Variants in MTERF1 observed in about 807,000 individuals in gnomAD.
The protein encoded by MTERF1 is transcription termination factor 1, mitochondrial.
A neutral mutation model predicts 31.6 loss-of-function variants in MTERF1; 29 were observed. The observed-to-expected ratio is 0.92, with a 90% confidence interval of 0.68 to 1.25. MTERF1 has a LOEUF of 1.25. MTERF1 is among the 50% of genes most tolerant of loss of function. MTERF1 has a pLI of 0.00. For synonymous variants in MTERF1, 152 were observed against 164.1 expected, an observed-to-expected ratio of 0.93 and a Z score of 0.57; for missense variants, 500 against 469.1, an observed-to-expected ratio of 1.07 and a Z score of -0.61.
Position 91,874,682 on chromosome 7 carries a change from T to C in MTERF1, c.112A>G (p.Arg38Gly). ...GCTGAAAATCGAGTCATCCAACATC[T>C]TGAACCAAAGAGAAAGTTATTTCTC... Reference protein sequence around the residue: ...HMRNNFLFGSRCWMTRFSAEN... With the variant: ...HMRNNFLFGSGCWMTRFSAEN... The change falls in exon 3 of 3, where the codon AGA becomes GGA. Residue 38 changes from arginine (R) to glycine (G), a missense_variant. Arg to Gly is a moderately radical substitution (Grantham distance 125). Transcript: ENST00000351870. The C allele has an allele frequency of 1.2e-6, 2 of 1,614,138 alleles. No individual in the cohort carries two copies. Among genetic ancestry groups the C allele is most frequent in the East Asian group, 2.2e-5 (1 of 44,874 alleles).
intron 2 of MTERF1, among the ~76,000 whole-genome samples, chr7:91,876,558 T>C (rs1415198618): frequency 6.6e-6 from 1 of 152,228 alleles, no homozygotes; most frequent in Admixed American, 6.5e-5. Flanking sequence ...TTTCAATTAC[T>C]CCAATTTTAA....
chr7:91,878,615 G>A (rs1303389832), intron 2 of MTERF1, among the ~76,000 whole-genome samples: 2 of 152,154 alleles, frequency 1.3e-5, no homozygotes, highest in Non-Finnish European at 2.9e-5. Flanking sequence ...TGGGAGGATT[G>A]CTTAAACCCA....
At chr7:91,875,197 T>G (rs977119387) in intron 2 of MTERF1, among the ~76,000 whole-genome samples, 1 of 152,200 alleles carries the variant, frequency 6.6e-6, no homozygotes, top group Non-Finnish European at 1.5e-5. Context: ...TTTGCCTGCC[T>G]TGGCTACCTA....
Position 91,873,403 on chromosome 7 carries a change from AC to A in MTERF1, c.*190del, listed in dbSNP as rs1789232876. 12 of 572,776 alleles carry A rather than the reference AC, an allele frequency of 2.1e-5. No individual in the cohort carries two copies. The South Asian group carries it at 3.0e-4, about 14-fold the overall frequency. 35.5% of individuals were successfully genotyped at this position (572,776 alleles called of 1,614,324 possible). A position where few individuals can be genotyped will look rare whatever the true frequency, so the allele number is the denominator to read the frequency against. Reference sequence around the variant, plus strand: ...GTCTTTCTTATACAGGATCACTCTGACCTCCTCTTTTGCCTCCCTCTTCAAC... The same window carrying A: ...GTCTTTCTTATACAGGATCACTCTGACTCCTCTTTTGCCTCCCTCTTCAAC... On this transcript the variant is annotated 3_prime_UTR_variant, in exon 3 of 3. Transcript: ENST00000351870.
rs1038126754 is a variant in MTERF1 at position 91,871,095 on chromosome 7, C to A, written c.*2499G>T. 6.6e-6 allele frequency: 1 copy of A among 151,916 alleles called. No individual in the cohort carries two copies. The highest frequency in any genetic ancestry group is 2.4e-5 in the African/African-American group (1 of 41,348). The allele number at this position is 151,916 out of a possible 1,614,324, so 9.4% of individuals were successfully genotyped here. A position where few individuals can be genotyped will look rare whatever the true frequency, so the allele number is the denominator to read the frequency against. ...CTGGCCAATATTTCTATAATTCTAT[C>A]TTTAAAAAAAAAGAATTGACTCTCC... On this transcript the variant is annotated 3_prime_UTR_variant, in exon 3 of 3. Transcript: ENST00000351870.
chr7:91,876,716 A>G (rs1789354743), intron 2 of MTERF1, among the ~76,000 whole-genome samples: 1 of 152,248 alleles, frequency 6.6e-6, no homozygotes, highest in South Asian at 2.1e-4. Flanking sequence ...TAAACATCAA[A>G]CAACAAAAGC....
rs766314299 is a variant in MTERF1 at position 91,880,096 on chromosome 7, G to T, written c.-13C>A. ...AAAGGCTCTGCATCCCTCCAGAAAG[G>T]CTGGAGAACAGCTATCTCTGGAAAT... On this transcript the variant is annotated 5_prime_UTR_variant, in exon 2 of 3. Transcript: ENST00000351870. 1 of 1,613,726 alleles carries T rather than the reference G, an allele frequency of 6.2e-7. No individual in the cohort carries two copies. The highest frequency in any genetic ancestry group is 8.5e-7 in the Non-Finnish European group (1 of 1,179,900).
intron 2 of MTERF1, among the ~76,000 whole-genome samples, chr7:91,876,293 C>T (rs995801381): frequency 6.6e-6 from 1 of 152,208 alleles, no homozygotes; most frequent in Non-Finnish European, 1.5e-5. Context: ...GTGCCTGAGT[C>T]ATATAACAGT....
chr7:91,879,958 G>A, intron 2 of MTERF1, 97 bp downstream of exon 2: 1 of 1,446,702 alleles, frequency 6.9e-7, no homozygotes, highest in Non-Finnish European at 9.6e-7. Context: ...GGCTGTTAAT[G>A]GAAATAACTA....
Position 91,874,013 on chromosome 7 carries a change from A to C in MTERF1, c.781T>G (p.Ser261Ala), listed in dbSNP as rs1789259773. Residue 261 changes from serine to alanine, a missense_variant, in exon 3 of 3, where the codon TCA becomes GCA. Physicochemically the swap from Ser to Ala is moderately conservative, Grantham distance 99. Coordinates refer to ENST00000351870, the MANE Select transcript of MTERF1 (RefSeq NM_006980.5). ...TCCTCACTGTTCAAATTGAAAGTTG[A>C]CCGTAAGAATTCAATGTTAGCTTTC... ...RVKANIEFLR[S>A]TFNLNSEELL... 2 of 1,613,962 alleles carry C rather than the reference A, an allele frequency of 1.2e-6. No individual in the cohort carries two copies. The highest frequency in any genetic ancestry group is 1.7e-5 in the Admixed American group (1 of 59,970).
At position 91,874,763 on chromosome 7, in the gene MTERF1, T is replaced by C. The variant is rs978785472; in HGVS notation, c.31A>G (p.Ile11Val). ...GTTAGGTAGTTCAAACCTTTTGAAA[T>C]GCTGTGTAAAACAACACATAAAATA... MQSLSLGQTS[I>V]SKGLNYLTIM... Residue 11 changes from isoleucine to valine, a missense_variant and splice_region_variant, in exon 3 of 3, where the codon ATT becomes GTT. Physicochemically the swap from Ile to Val is conservative, Grantham distance 29. Coordinates refer to ENST00000351870, the MANE Select transcript of MTERF1 (RefSeq NM_006980.5). 6.3e-7 allele frequency: 1 copy of C among 1,593,100 alleles called. No homozygotes were observed. Among genetic ancestry groups the C allele is most frequent in the Non-Finnish European group, 8.5e-7 (1 of 1,170,606 alleles).
intron 2 of MTERF1, among the ~76,000 whole-genome samples, chr7:91,876,017 A>C (rs1027178462): frequency 1.3e-5 from 2 of 152,182 alleles, no homozygotes; most frequent in African/African-American, 4.8e-5. Context: ...CTCCATCACC[A>C]TATTACACAA....
chr7:91,875,045 A>C (rs1228884036), intron 2 of MTERF1, among the ~76,000 whole-genome samples: 1 of 152,220 alleles, frequency 6.6e-6, no homozygotes, highest in African/African-American at 2.4e-5. Context: ...AAATGTACAT[A>C]TATAACTGTC....
At position 91,880,126 on chromosome 7, in the gene MTERF1, C is replaced by T; in HGVS notation, c.-30-13G>A. 1 of 1,608,000 alleles carries T rather than the reference C, an allele frequency of 6.2e-7. No homozygotes were observed. Among genetic ancestry groups the T allele is most frequent in the Non-Finnish European group, 8.5e-7 (1 of 1,177,654 alleles). On this transcript the variant is annotated splice_polypyrimidine_tract_variant and intron_variant, in intron 1 of 2. Coordinates refer to ENST00000351870, the MANE Select transcript of MTERF1 (RefSeq NM_006980.5). ...AGAACAGCTATCTCTGGAAATGACA[C>T]ACACACACAAAAAAAAGGCAAAATA...
chr7:91,880,143 G>A (rs1789468371), intron 1 of MTERF1, 30 bp from the exon 2 acceptor site: 3 of 1,581,150 alleles, frequency 1.9e-6, no homozygotes, highest in African/African-American at 1.4e-5. Flanking sequence ...ACAAAAAAAA[G>A]GCAAAATATT....
intron 2 of MTERF1, 55 bp downstream of exon 2, chr7:91,880,000 G>A: frequency 6.3e-7 from 1 of 1,595,904 alleles, no homozygotes; most frequent in South Asian, 1.1e-5. Context: ...CATTCCAGCT[G>A]GTCTTCTTTT....
chr7:91,874,422 G>C lies in MTERF1; in HGVS notation c.372C>G (p.Ile124Met). The C allele has an allele frequency of 1.2e-6, 2 of 1,614,098 alleles. No homozygotes were observed. Among genetic ancestry groups the C allele is most frequent in the South Asian group, 2.2e-5 (2 of 91,074 alleles). The change falls in exon 3 of 3, where the codon ATC becomes ATG. Residue 124 changes from isoleucine (I) to methionine (M), a missense_variant. Coordinates refer to ENST00000351870, the MANE Select transcript of MTERF1 (RefSeq NM_006980.5). ...TTATTGCTCGTGGATATCTTGATATGATGCTAGCGATCACTTCTTTGCTAG... is the reference window on the plus strand; with the variant it reads ...TTATTGCTCGTGGATATCTTGATATCATGCTAGCGATCACTTCTTTGCTAG... ...KGASKEVIAS[I>M]ISRYPRAITR...
rs934948532 is a variant in MTERF1 at position 91,873,423 on chromosome 7, C to T, written c.*171G>A. On this transcript the variant is annotated 3_prime_UTR_variant, in exon 3 of 3. Transcript: ENST00000351870. ...CTCTGACCTCCTCTTTTGCCTCCCT[C>T]TTCAACTTTTAAAGATCCCTACAAT... The T allele has an allele frequency of 8.8e-5, 55 of 624,318 alleles. No individual in the cohort carries two copies. The highest frequency in any genetic ancestry group is 1.3e-4 in the Non-Finnish European group (50 of 374,418). The allele number at this position is 624,318 out of a possible 1,614,324, so 38.7% of individuals were successfully genotyped here.
At chr7:91,879,524 G>A (rs1789446793) in intron 2 of MTERF1, among the ~76,000 whole-genome samples, 1 of 152,256 alleles carries the variant, frequency 6.6e-6, no homozygotes, top group African/African-American at 2.4e-5. Context: ...GCAGTCAGAT[G>A]AAAAAATTTA....
Sources: allele counts gnomAD v4.1 joint callset (sites outside exome capture counted in the v4.1 genomes callset), GRCh38; gene constraint gnomAD v4.1.1; transcripts MANE v1.5; gene names NCBI Gene and HGNC (gene_info 2026-07-23, HGNC 2026-07-21).